The following SDK1 variants were observed in gnomAD, a reference collection of about 807,000 sequenced individuals.
SDK1 encodes sidekick cell adhesion molecule 1, also known as protein sidekick-1.
Under a neutral mutation model 245.5 loss-of-function variants are expected in SDK1, and 157 were observed. That is an observed-to-expected ratio of 0.64 (90% CI 0.56 to 0.73). The LOEUF (loss-of-function observed/expected upper bound fraction) is 0.73. Among genes scored for constraint, SDK1 ranks in the 30% least tolerant of loss-of-function variants. The pLI is 0.00. For synonymous variants in SDK1, 1,647 were observed against 1,278.5 expected (o/e 1.29, Z -6.15); for missense variants, 3,583 against 3,002.3 (o/e 1.19, Z -4.52).
chr7:3,644,773 C>CAAACA (rs1782768703), intron 4 of SDK1, among the ~76,000 whole-genome samples: 1 of 40,046 alleles, frequency 2.5e-5, no homozygotes, highest in Non-Finnish European at 4.5e-5. Context: ...ACCCTGTCTC[C>CAAACA]AAAAAAAAAA....
chr7:4,051,938 G>C (rs1362590282), intron 19 of SDK1, 108 bp downstream of exon 19: 1 of 985,672 alleles, frequency 1.0e-6, no homozygotes, highest in Non-Finnish European at 1.5e-6. Context: ...GGAGGCCCCG[G>C]ATTTTTGGAG....
intron 35 of SDK1, among the ~76,000 whole-genome samples, chr7:4,197,570 G>C (rs372590952): frequency 3.9e-5 from 6 of 152,186 alleles, no homozygotes; most frequent in African/African-American, 9.6e-5. Flanking sequence ...ATAGCCAGCC[G>C]GGCTGGGCTC....
At chr7:3,680,790 G>A (rs1784075675) in intron 4 of SDK1, among the ~76,000 whole-genome samples, 1 of 152,148 alleles carries the variant, frequency 6.6e-6, no homozygotes, top group Non-Finnish European at 1.5e-5. Context: ...AAAGGCAACA[G>A]CTATCCTGAC....
intron 42 of SDK1, among the ~76,000 whole-genome samples, chr7:4,238,510 C>G (rs1413680773): frequency 6.6e-6 from 1 of 151,958 alleles, no homozygotes; most frequent in Non-Finnish European, 1.5e-5. Context: ...TTGCAGTAAG[C>G]CATGATCACA....
At chr7:3,718,543 A>G (rs1167445531) in intron 4 of SDK1, among the ~76,000 whole-genome samples, 3 of 119,376 alleles carry the variant, frequency 2.5e-5, no homozygotes, top group Middle Eastern at 4.1e-3. Context: ...AAATAAATAA[A>G]TAAATAAATA....
intron 5 of SDK1, among the ~76,000 whole-genome samples, chr7:3,928,384 A>G (rs1185401098): frequency 6.6e-6 from 1 of 152,346 alleles, no homozygotes; most frequent in East Asian, 1.9e-4. Flanking sequence ...GAAACCTTTC[A>G]TAAGTTAATT....
At chr7:4,072,961 C>A (rs1178048433) in intron 20 of SDK1, among the ~76,000 whole-genome samples, 1 of 152,250 alleles carries the variant, frequency 6.6e-6, no homozygotes, top group Non-Finnish European at 1.5e-5. Flanking sequence ...CCTCCACTCT[C>A]CTTCAGTAAA....
At chr7:3,390,016 A>G (rs189348370) in intron 1 of SDK1, among the ~76,000 whole-genome samples, 1 of 152,252 alleles carries the variant, frequency 6.6e-6, no homozygotes, top group Non-Finnish European at 1.5e-5. Flanking sequence ...TCATTGTTAT[A>G]TAGTGGCAGA....
intron 7 of SDK1, among the ~76,000 whole-genome samples, chr7:3,953,141 A>G (rs1240910131): frequency 6.6e-6 from 1 of 150,626 alleles, no homozygotes; most frequent in East Asian, 1.9e-4. Flanking sequence ...AAATAAAAAA[A>G]TTTGCAGTCT....
chr7:3,491,483 G>A (rs777615135), intron 1 of SDK1, among the ~76,000 whole-genome samples: 9 of 152,178 alleles, frequency 5.9e-5, no homozygotes, highest in African/African-American at 1.7e-4. Context: ...GAAATATGTC[G>A]TTGAATTGCC....
At chr7:3,406,861 T>C (rs902425379) in intron 1 of SDK1, among the ~76,000 whole-genome samples, 1 of 152,164 alleles carries the variant, frequency 6.6e-6, no homozygotes, top group Non-Finnish European at 1.5e-5. Context: ...GGAGTTTCTA[T>C]TTTATAAGAT....
At chr7:4,040,850 T>C (rs1474968177) in intron 17 of SDK1, among the ~76,000 whole-genome samples, 1 of 152,166 alleles carries the variant, frequency 6.6e-6, no homozygotes, top group Non-Finnish European at 1.5e-5. Context: ...GGAGCCTCCA[T>C]GTTGAATGTG....
intron 4 of SDK1, among the ~76,000 whole-genome samples, chr7:3,793,163 C>T (rs988496144): frequency 6.6e-6 from 1 of 152,030 alleles, no homozygotes; most frequent in Admixed American, 6.6e-5. Flanking sequence ...AGTTATATTT[C>T]CATGTAAGGG....
chr7:4,109,212 C>T (rs978490514), intron 22 of SDK1, among the ~76,000 whole-genome samples: 1 of 152,146 alleles, frequency 6.6e-6, no homozygotes. Context: ...TATGCGGTGA[C>T]TGTGTGTAGC....
chr7:4,111,713 G>A (rs997823147), intron 23 of SDK1, among the ~76,000 whole-genome samples: 7 of 152,174 alleles, frequency 4.6e-5, no homozygotes, highest in African/African-American at 1.7e-4. Flanking sequence ...TTATTTCAAA[G>A]AACAGAAACT....
At chr7:3,795,547 T>C (rs997064908) in intron 4 of SDK1, among the ~76,000 whole-genome samples, 6 of 152,120 alleles carry the variant, frequency 3.9e-5, no homozygotes. Flanking sequence ...CTCATGGAAA[T>C]TTTCCTTTTA....
At chr7:3,827,745 A>G (rs558547883) in intron 5 of SDK1, among the ~76,000 whole-genome samples, 5 of 152,150 alleles carry the variant, frequency 3.3e-5, no homozygotes, top group African/African-American at 1.2e-4. Context: ...TTAAGAGCCA[A>G]TGTGTTACCT....
intron 5 of SDK1, among the ~76,000 whole-genome samples, chr7:3,846,988 C>T (rs1049744497): frequency 1.3e-5 from 2 of 152,142 alleles, no homozygotes; most frequent in African/African-American, 4.8e-5. Context: ...GGCTGGCTGT[C>T]CCCAGTGCCA....
chr7:3,749,532 C>T (rs1227388042), intron 4 of SDK1, among the ~76,000 whole-genome samples: 2 of 152,180 alleles, frequency 1.3e-5, no homozygotes, highest in African/African-American at 4.8e-5. Context: ...AACTCCTGAC[C>T]TCGTGATCCG....
Sources: allele counts gnomAD v4.1 joint callset (sites outside exome capture counted in the v4.1 genomes callset), GRCh38; gene constraint gnomAD v4.1.1; transcripts MANE v1.5; gene names NCBI Gene and HGNC (gene_info 2026-07-23, HGNC 2026-07-21).